KSR2: variants seen among roughly 807,000 people sequenced by gnomAD.
The protein encoded by KSR2 is kinase suppressor of ras 2.
Under a neutral mutation model 107.8 loss-of-function variants are expected in KSR2, and 25 were observed. The observed-to-expected ratio is 0.23, with a 90% CI of 0.17 to 0.32. KSR2 has a LOEUF of 0.32. Ranked by LOEUF, KSR2 falls within the 10% of genes least tolerant of loss-of-function variation. The pLI is 1.00. For missense variants in KSR2, 887 were observed against 1,268.9 expected, an observed-to-expected ratio of 0.70 and a Z score of 4.57; for synonymous variants, 480 against 507.0, an observed-to-expected ratio of 0.95 and a Z score of 0.71.
chr12:117,493,795 T>C (rs980253964), intron 14 of KSR2, among the ~76,000 whole-genome samples: 2 of 152,088 alleles, frequency 1.3e-5, no homozygotes, highest in African/African-American at 2.4e-5. Flanking sequence ...AATTGAATCA[T>C]GGGGGTGAGT....
chr12:117,640,919 A>G (rs1565940032), intron 5 of KSR2, among the ~76,000 whole-genome samples: 1 of 152,172 alleles, frequency 6.6e-6, no homozygotes, highest in Non-Finnish European at 1.5e-5. Context: ...GACTGATTAT[A>G]CAGTCACTGG....
intron 3 of KSR2, among the ~76,000 whole-genome samples, chr12:117,780,820 C>T (rs1889857795): frequency 6.6e-6 from 1 of 152,150 alleles, no homozygotes; most frequent in Non-Finnish European, 1.5e-5. Context: ...CATACAATGT[C>T]TAGCACACAT....
chr12:117,820,168 T>A (rs961410311), intron 3 of KSR2, among the ~76,000 whole-genome samples: 1 of 152,108 alleles, frequency 6.6e-6, no homozygotes, highest in Non-Finnish European at 1.5e-5. Context: ...CAGCTAAGGG[T>A]TCCCCCCTAC....
At chr12:117,661,340 T>G (rs1182785015) in intron 5 of KSR2, among the ~76,000 whole-genome samples, 1 of 152,188 alleles carries the variant, frequency 6.6e-6, no homozygotes, top group African/African-American at 2.4e-5. Context: ...ATGAAAGTAC[T>G]GACTCAATGT....
chr12:117,967,696 C>A (rs368778101), intron 1 of KSR2, among the ~76,000 whole-genome samples: 9 of 151,974 alleles, frequency 5.9e-5, no homozygotes, highest in Non-Finnish European at 1.2e-4. Flanking sequence ...ATGTATTACC[C>A]GGCACACAAG....
chr12:117,705,582 C>T (rs1005784674), intron 4 of KSR2, among the ~76,000 whole-genome samples: 1 of 152,210 alleles, frequency 6.6e-6, no homozygotes, highest in Non-Finnish European at 1.5e-5. Context: ...GGCTTGACAT[C>T]GAACAGCTGA....
intron 3 of KSR2, among the ~76,000 whole-genome samples, chr12:117,794,785 T>C (rs1890562772): frequency 6.6e-6 from 1 of 152,004 alleles, no homozygotes. Flanking sequence ...CACAGAATAG[T>C]CACTTTAAAT....
intron 1 of KSR2, among the ~76,000 whole-genome samples, chr12:117,861,674 C>T (rs1206508460): frequency 6.6e-6 from 1 of 151,872 alleles, no homozygotes; most frequent in East Asian, 1.9e-4. Context: ...AGGCATGAGC[C>T]ACCGCGCCCA....
At chr12:117,598,918 T>C (rs1263723392) in intron 5 of KSR2, among the ~76,000 whole-genome samples, 1 of 152,096 alleles carries the variant, frequency 6.6e-6, no homozygotes, top group African/African-American at 2.4e-5. Context: ...TAAGATTCAA[T>C]ATTTCATGAA....
intron 1 of KSR2, among the ~76,000 whole-genome samples, chr12:117,933,995 T>C (rs1033553974): frequency 3.3e-4 from 50 of 152,298 alleles, no homozygotes; most frequent in Admixed American, 9.8e-4. Flanking sequence ...ATTATTTAAA[T>C]CCAGCCGACG....
intron 3 of KSR2, among the ~76,000 whole-genome samples, chr12:117,789,922 G>A (rs1890198920): frequency 6.6e-6 from 1 of 152,166 alleles, no homozygotes; most frequent in African/African-American, 2.4e-5. Context: ...TGTCTTGCTG[G>A]TCAGAAGGGT....
rs1235026799 is a variant in KSR2, at chr12:117,855,582, G to A, written c.322-4C>T. ...TCAGCTGGCCGGGGGAGATTTCCTAGAGGAGGGGAGAAGGATTGTCAACCG... is the reference window on the plus strand; with the variant it reads ...TCAGCTGGCCGGGGGAGATTTCCTAAAGGAGGGGAGAAGGATTGTCAACCG... On this transcript the variant is annotated splice_polypyrimidine_tract_variant and splice_region_variant and intron_variant, in intron 2 of 19. Transcript: ENST00000339824. 1.9e-6 allele frequency: 3 copies of A among 1,613,902 alleles called. No individual in the cohort carries two copies. Among genetic ancestry groups the A allele is most frequent in the East Asian group, 2.2e-5 (1 of 44,880 alleles).
At chr12:117,905,614 T>C (rs1039228641) in intron 1 of KSR2, among the ~76,000 whole-genome samples, 1 of 152,094 alleles carries the variant, frequency 6.6e-6, no homozygotes, top group Non-Finnish European at 1.5e-5. Flanking sequence ...CGAAAAAGGA[T>C]GCAGAACTAA....
chr12:117,951,682 T>C (rs1253633430), intron 1 of KSR2, among the ~76,000 whole-genome samples: 2 of 152,186 alleles, frequency 1.3e-5, no homozygotes, highest in Admixed American at 1.3e-4. Flanking sequence ...CAGAGGTCTT[T>C]GGGAGTGGCC....
intron 4 of KSR2, among the ~76,000 whole-genome samples, chr12:117,750,380 A>T (rs970155394): frequency 3.3e-5 from 5 of 151,966 alleles, no homozygotes; most frequent in African/African-American, 1.2e-4. Context: ...ATATAATGCT[A>T]TTAATATAAA....
chr12:117,496,803 G>A (rs1441762497), intron 14 of KSR2, among the ~76,000 whole-genome samples: 1 of 151,646 alleles, frequency 6.6e-6, no homozygotes, highest in Non-Finnish European at 1.5e-5. Flanking sequence ...AACAAAACTA[G>A]TTTAGCAAGT....
intron 16 of KSR2, 72 bp downstream of exon 16, chr12:117,484,344 A>G: frequency 4.5e-6 from 7 of 1,568,730 alleles, no homozygotes; most frequent in Non-Finnish European, 6.1e-6. Flanking sequence ...CACTAAAGCC[A>G]TTTGGACTAA....
Position 117,968,378 on chromosome 12 carries a change from GA to G in KSR2, c.-124del. On this transcript the variant is annotated 5_prime_UTR_variant, in exon 1 of 20. It introduces an in-frame stop codon into an upstream open reading frame of the 5' UTR. Coordinates refer to ENST00000339824, the MANE Select transcript of KSR2 (RefSeq NM_173598.6). Reference sequence around the variant, plus strand: ...CGACTTCTCAACAATGTCTCATGAAGAAGAAATCCAACATCTCACACAGGGT... The same window carrying G: ...CGACTTCTCAACAATGTCTCATGAAGAGAAATCCAACATCTCACACAGGGT... 7.2e-7 allele frequency: 1 copy of G among 1,384,856 alleles called. No individual in the cohort carries two copies. The highest frequency in any genetic ancestry group is 9.3e-7 in the Non-Finnish European group (1 of 1,076,902). 85.8% of individuals were successfully genotyped at this position (1,384,856 alleles called of 1,614,324 possible). A position where few individuals can be genotyped will look rare whatever the true frequency, so the allele number is the denominator to read the frequency against.
chr12:117,765,865 T>C (rs1889207347), intron 3 of KSR2, among the ~76,000 whole-genome samples: 1 of 152,224 alleles, frequency 6.6e-6, no homozygotes, highest in African/African-American at 2.4e-5. Flanking sequence ...AGACAGAGCC[T>C]GAGCCATTAT....
Sources: allele counts gnomAD v4.1 joint callset (sites outside exome capture counted in the v4.1 genomes callset), GRCh38; gene constraint gnomAD v4.1.1; transcripts MANE v1.5; gene names NCBI Gene and HGNC (gene_info 2026-07-23, HGNC 2026-07-21).